Variants in DENND1A observed in about 807,000 individuals in gnomAD.
DENND1A encodes DENN domain-containing protein 1A.
Under a neutral mutation model 113.7 loss-of-function variants are expected in DENND1A, and 51 were observed. The observed-to-expected ratio is 0.45, with a 90% CI of 0.36 to 0.57. The LOEUF is 0.57. Among genes scored for constraint, DENND1A ranks in the 20% least tolerant of loss-of-function variants. The pLI is 0.00. For synonymous variants in DENND1A, 565 were observed against 570.8 expected (o/e 0.99, Z 0.14); for missense variants, 1,258 against 1,395.9 (o/e 0.90, Z 1.57).
At position 123,796,183 on chromosome 9, in the gene DENND1A, C is replaced by G. The variant is rs1309647642; in HGVS notation, c.89-3553G>C. Among the ~76,000 whole-genome samples the G allele has an allele frequency of 2.6e-5, 4 of 152,142 alleles. No individual in the cohort carries two copies. The East Asian group carries it at 7.7e-4, about 29-fold the overall frequency. On this transcript the variant is annotated intron_variant, in intron 2 of 23. Transcript: ENST00000394215. ...ACCAAAGAGGCAGGTAGCTCTCAGA[C>G]AAGGTTTCGTATCATGTCATTGTGA... is the stretch of plus-strand genomic sequence containing the variant.
chr9:123,779,485 T>G (rs934246258), intron 3 of DENND1A, among the ~76,000 whole-genome samples: 6 of 152,176 alleles, frequency 3.9e-5, no homozygotes, highest in African/African-American at 1.4e-4. Flanking sequence ...CGGGTTCCTA[T>G]TCTTTTTTGT....
At chr9:123,869,737 A>G (rs1846250626) in intron 2 of DENND1A, among the ~76,000 whole-genome samples, 1 of 152,220 alleles carries the variant, frequency 6.6e-6, no homozygotes, top group African/African-American at 2.4e-5. Context: ...GCGGTGGCTC[A>G]TGCCTATAAT....
chr9:123,524,250 C>T (rs1188388187), intron 13 of DENND1A, among the ~76,000 whole-genome samples: 1 of 152,214 alleles, frequency 6.6e-6, no homozygotes, highest in African/African-American at 2.4e-5. Flanking sequence ...AGAGTAGGCA[C>T]TCAGTAAATA....
At chr9:123,535,084 C>T (rs1340781307) in intron 13 of DENND1A, among the ~76,000 whole-genome samples, 2 of 152,166 alleles carry the variant, frequency 1.3e-5, no homozygotes, top group African/African-American at 4.8e-5. Flanking sequence ...AATAACACCC[C>T]AAATCTGACC....
At chr9:123,447,110 T>C (rs2047363901) in intron 18 of DENND1A, among the ~76,000 whole-genome samples, 1 of 152,192 alleles carries the variant, frequency 6.6e-6, no homozygotes, top group Non-Finnish European at 1.5e-5. Flanking sequence ...CCAGGAGGCA[T>C]TCTTCTGGCA....
chr9:123,423,983 A>C (rs1172151148), intron 19 of DENND1A, among the ~76,000 whole-genome samples: 1 of 152,162 alleles, frequency 6.6e-6, no homozygotes, highest in African/African-American at 2.4e-5. Context: ...AAGAGCTGGC[A>C]ACCTGGAGGG....
intron 10 of DENND1A, 91 bp from the exon 11 acceptor site, chr9:123,609,572 T>A: frequency 6.9e-7 from 1 of 1,453,510 alleles, no homozygotes; most frequent in Non-Finnish European, 9.4e-7. Flanking sequence ...AGAAAAACTG[T>A]TTTAATAAAC....
At chr9:123,486,011 C>T (rs1461624265) in intron 13 of DENND1A, among the ~76,000 whole-genome samples, 1 of 152,112 alleles carries the variant, frequency 6.6e-6, no homozygotes, top group Non-Finnish European at 1.5e-5. Flanking sequence ...GGCTGGCATA[C>T]CCCGGGTGCC....
intron 2 of DENND1A, among the ~76,000 whole-genome samples, chr9:123,799,578 G>C (rs1834310578): frequency 6.6e-6 from 1 of 152,170 alleles, no homozygotes; most frequent in Non-Finnish European, 1.5e-5. Context: ...CAGGGGTAGA[G>C]TCCAGGACTA....
At chr9:123,643,769 A>G (rs2062153310) in intron 9 of DENND1A, among the ~76,000 whole-genome samples, 1 of 152,244 alleles carries the variant, frequency 6.6e-6, no homozygotes, top group African/African-American at 2.4e-5. Context: ...GCTGTGGCTA[A>G]CAGACTGGGT....
At chr9:123,680,645 C>T (rs2064384010) in intron 5 of DENND1A, among the ~76,000 whole-genome samples, 1 of 152,218 alleles carries the variant, frequency 6.6e-6, no homozygotes, top group Non-Finnish European at 1.5e-5. Context: ...AATCTCACTC[C>T]ACTTGGGATG....
intron 12 of DENND1A, among the ~76,000 whole-genome samples, chr9:123,561,705 G>A (rs1351180963): frequency 1.3e-5 from 2 of 152,074 alleles, no homozygotes; most frequent in Non-Finnish European, 2.9e-5. Flanking sequence ...TTAATCGGGT[G>A]TTATAGGAGG....
intron 2 of DENND1A, among the ~76,000 whole-genome samples, chr9:123,802,901 T>C (rs942814122): frequency 1.3e-5 from 2 of 151,706 alleles, no homozygotes; most frequent in African/African-American, 4.8e-5. Context: ...GGGGTTTCTC[T>C]GTGTTGGTCA....
At chr9:123,671,265 G>A (rs1368610502) in intron 7 of DENND1A, 26 bp downstream of exon 7, 1 of 1,613,028 alleles carries the variant, frequency 6.2e-7, no homozygotes, top group South Asian at 1.1e-5. Context: ...CGTTTTCAGT[G>A]ATGGCTAATA....
chr9:123,640,838 A>C (rs1165317428), intron 9 of DENND1A, among the ~76,000 whole-genome samples: 2 of 152,262 alleles, frequency 1.3e-5, no homozygotes, highest in Admixed American at 6.5e-5. Context: ...ATATGGCTAG[A>C]AAGTGGCACA....
intron 1 of DENND1A, among the ~76,000 whole-genome samples, chr9:123,882,542 C>A (rs1244274153): frequency 6.6e-6 from 1 of 152,122 alleles, no homozygotes. Context: ...CTCAACGTTT[C>A]TCAGCACCCC....
chr9:123,457,355 C>G lies in DENND1A; in HGVS notation c.1179G>C (p.Glu393Asp). 1 of 1,613,740 alleles carries G rather than the reference C, an allele frequency of 6.2e-7. No individual in the cohort carries two copies. Among genetic ancestry groups the G allele is most frequent in the Non-Finnish European group, 8.5e-7 (1 of 1,179,594 alleles). ...AAATGAGTTGCTTCTCACCAGCGTA[C>G]TCGCCCATGTTGATTTCCTCTTCAA... ...DVFEEEINMG[E>D]YAGSDKLYHQ... The change falls in exon 15 of 24, where the codon GAG (glutamate) becomes GAC (aspartate). Residue 393 changes from glutamate to aspartate, a missense_variant. Glu to Asp is a conservative substitution (Grantham distance 45). Transcript: ENST00000394215.
chr9:123,396,610 C>T (rs780380621), intron 21 of DENND1A, among the ~76,000 whole-genome samples: 20 of 152,238 alleles, frequency 1.3e-4, no homozygotes, highest in Non-Finnish European at 1.9e-4. Context: ...CTAAATGCTT[C>T]TGGCAGCTTC....
chr9:123,841,650 A>C (rs1032031194), intron 2 of DENND1A, among the ~76,000 whole-genome samples: 1 of 152,200 alleles, frequency 6.6e-6, no homozygotes, highest in African/African-American at 2.4e-5. Context: ...GGATCTGAAA[A>C]GGTTCCCCCC....
Sources: gnomAD v4.1 joint callset for allele counts (sites outside exome capture counted in the v4.1 genomes callset) on GRCh38, gnomAD v4.1.1 for gene constraint, MANE v1.5 for transcripts, NCBI Gene and HGNC (gene_info 2026-07-23, HGNC 2026-07-21) for gene names.